FSTL4: variants seen among roughly 807,000 people sequenced by gnomAD.
FSTL4 encodes the protein follistatin-related protein 4.
Under a neutral mutation model 78.2 loss-of-function variants are expected in FSTL4, and 28 were observed. The ratio of observed to expected loss-of-function variants is 0.36; its 90% confidence interval spans 0.27 to 0.49. The LOEUF is 0.49. Among genes scored for constraint, FSTL4 ranks in the 20% least tolerant of loss-of-function variants. The pLI, the probability that FSTL4 is intolerant of heterozygous loss-of-function variation, is 0.98. For synonymous variants in FSTL4, 422 were observed against 440.5 expected (o/e 0.96, Z 0.53); for missense variants, 922 against 1,084.9 (o/e 0.85, Z 2.11).
the FSTL4 span, among the ~76,000 whole-genome samples, chr5:133,631,150 G>A: frequency 6.6e-6 from 1 of 152,028 alleles, no homozygotes; most frequent in African/African-American, 2.4e-5. Flanking sequence ...TGGCAAATGG[G>A]GTCTAATTAA....
At chr5:133,572,183 T>C (rs184824642) in intron 2 of FSTL4, among the ~76,000 whole-genome samples, 3 of 152,258 alleles carry the variant, frequency 2.0e-5, no homozygotes, top group Non-Finnish European at 4.4e-5. Context: ...GAACATTGCC[T>C]ATAAGGGAGC....
intron 3 of FSTL4, among the ~76,000 whole-genome samples, chr5:133,525,550 T>C (rs920413862): frequency 6.6e-6 from 1 of 152,258 alleles, no homozygotes; most frequent in Non-Finnish European, 1.5e-5. Context: ...TCACGGTCTC[T>C]GTTCTCCTGA....
chr5:133,407,224 A>C (rs1002564123), intron 3 of FSTL4, among the ~76,000 whole-genome samples: 3 of 152,208 alleles, frequency 2.0e-5, no homozygotes, highest in African/African-American at 7.2e-5. Flanking sequence ...CACAGGCCCA[A>C]ACCCACTCCT....
At chr5:133,545,154 T>A (rs1057083876) in intron 3 of FSTL4, among the ~76,000 whole-genome samples, 1 of 152,008 alleles carries the variant, frequency 6.6e-6, no homozygotes, top group Non-Finnish European at 1.5e-5. Context: ...GAGTAGAGGG[T>A]TAGGTCTTAG....
At chr5:133,227,610 C>T (rs1216320140) in intron 8 of FSTL4, among the ~76,000 whole-genome samples, 1 of 151,982 alleles carries the variant, frequency 6.6e-6, no homozygotes, top group Non-Finnish European at 1.5e-5. Flanking sequence ...ATGGCCAGGA[C>T]CTGGGGTTAA....
chr5:133,503,636 A>C (rs1758545940), intron 3 of FSTL4, among the ~76,000 whole-genome samples: 1 of 152,058 alleles, frequency 6.6e-6, no homozygotes, highest in Non-Finnish European at 1.5e-5. Context: ...GCCCCAGACA[A>C]TTTTAGCCAC....
the FSTL4 span, among the ~76,000 whole-genome samples, chr5:133,650,496 T>C: frequency 6.6e-6 from 1 of 152,174 alleles, no homozygotes; most frequent in Admixed American, 6.5e-5. Flanking sequence ...AAAGTCTATG[T>C]CTACATTCAT....
chr5:133,651,968 T>A, the FSTL4 span, among the ~76,000 whole-genome samples: 1 of 152,174 alleles, frequency 6.6e-6, no homozygotes, highest in Non-Finnish European at 1.5e-5. Flanking sequence ...CTATTTTGTG[T>A]GTGTGAGTTT....
chr5:133,397,405 G>A (rs1410335438), intron 4 of FSTL4, among the ~76,000 whole-genome samples: 1 of 152,160 alleles, frequency 6.6e-6, no homozygotes, highest in Non-Finnish European at 1.5e-5. Context: ...GGAGATCTGG[G>A]ATCAAAGCTG....
the FSTL4 span, among the ~76,000 whole-genome samples, chr5:133,829,197 C>G: frequency 6.6e-6 from 1 of 152,168 alleles, no homozygotes; most frequent in South Asian, 2.1e-4. Context: ...CAAGTCCAGC[C>G]TGGCCAAAAC....
intron 1 of FSTL4, among the ~76,000 whole-genome samples, 159 bp from the exon 2 acceptor site, chr5:133,604,152 C>G (rs747156849): frequency 1.7e-4 from 26 of 152,104 alleles, no homozygotes; most frequent in Admixed American, 1.2e-3. Flanking sequence ...TACTTCTGAG[C>G]CTTAGTTTAC....
chr5:133,341,602 C>G (rs140562424), intron 4 of FSTL4, among the ~76,000 whole-genome samples: 194 of 152,194 alleles, frequency 1.3e-3, no homozygotes, highest in Middle Eastern at 3.4e-3. Context: ...GGGAGCACAG[C>G]CACCTACCAA....
chr5:133,541,537 C>A (rs1489331266), intron 3 of FSTL4, among the ~76,000 whole-genome samples: 1 of 152,190 alleles, frequency 6.6e-6, no homozygotes, highest in Non-Finnish European at 1.5e-5. Context: ...TGCCTCTCAA[C>A]AAGAGGAGGG....
the FSTL4 span, among the ~76,000 whole-genome samples, chr5:133,634,309 T>C: frequency 2.6e-5 from 4 of 152,036 alleles, no homozygotes; most frequent in African/African-American, 9.7e-5. Context: ...AGTAGACTGG[T>C]TAATGTCTAA....
the FSTL4 span, among the ~76,000 whole-genome samples, chr5:133,715,090 CCTGAA>C: frequency 6.6e-6 from 1 of 152,194 alleles, no homozygotes; most frequent in African/African-American, 2.4e-5. Context: ...AAAATTTTGT[CCTGAA>C]CTGAAGAAAA....
At chr5:133,451,234 C>G (rs575581784) in intron 3 of FSTL4, among the ~76,000 whole-genome samples, 7 of 152,260 alleles carry the variant, frequency 4.6e-5, no homozygotes, top group Admixed American at 6.5e-5. Context: ...AATCAGGAAG[C>G]CTTCTGAGGG....
chr5:133,672,731 C>T, the FSTL4 span, among the ~76,000 whole-genome samples: 2 of 152,334 alleles, frequency 1.3e-5, no homozygotes, highest in East Asian at 3.9e-4. Flanking sequence ...CAGAGCTGTG[C>T]TGCAGGGCTG....
In FSTL4 at chr5:133,225,725, G is replaced by C. The variant is rs538096648; in HGVS notation, c.1110C>G (p.Pro370=). The C allele has an allele frequency of 6.2e-7, 1 of 1,612,630 alleles. No individual in the cohort carries two copies. Among genetic ancestry groups the C allele is most frequent in the Non-Finnish European group, 8.5e-7 (1 of 1,179,314 alleles). The part of the protein sequence containing the change: ...LRCHAEGIPM[P]RITWLKNGVD... The stretch of plus-strand genomic sequence containing the variant: ...CGCCGTTTTTCAGCCAAGTGATTCT[G>C]GGCATGGGAATGCCCTCAGCATGGC... Residue 370 remains proline (P), a synonymous_variant, in exon 9 of 16, where the codon CCC becomes CCG. Transcript: ENST00000265342. This position sits in a 1 kb window ranked among gnomAD's most constrained non-coding sequence, Gnocchi z 4.6.
intron 4 of FSTL4, among the ~76,000 whole-genome samples, chr5:133,391,471 T>C (rs1312457526): frequency 6.6e-6 from 1 of 152,166 alleles, no homozygotes; most frequent in Non-Finnish European, 1.5e-5. Context: ...GGAGGCTCCA[T>C]GTCACTCCCT....
Sources: gnomAD v4.1 joint callset for allele counts (sites outside exome capture counted in the v4.1 genomes callset) on GRCh38, gnomAD v4.1.1 for gene constraint, Gnocchi (gnomAD v3.1) non-coding constraint, MANE v1.5 for transcripts, NCBI Gene and HGNC (gene_info 2026-07-23, HGNC 2026-07-21) for gene names.